The following CAMKV variants were observed in gnomAD, a reference collection of about 807,000 sequenced individuals.
CAMKV encodes the protein caM kinase-like vesicle-associated protein.
In CAMKV, 5 loss-of-function variants were observed where a neutral mutation model predicts 50.2. The observed-to-expected ratio is 0.10, with a 90% CI of 0.05 to 0.21. CAMKV has a LOEUF of 0.21. Among genes scored for constraint, CAMKV ranks in the 10% least tolerant of loss-of-function variants. CAMKV has a pLI of 1.00. For missense variants in CAMKV, 361 were observed against 650.5 expected (o/e 0.55, Z 4.84); for synonymous variants, 229 against 250.1 (o/e 0.92, Z 0.80).
In CAMKV at chr3:49,859,041, A is replaced by T. The variant is rs760736603; in HGVS notation, c.*277T>A. 5.4e-6 allele frequency: 2 copies of T among 370,196 alleles called. No homozygotes were observed. Among genetic ancestry groups the T allele is most frequent in the Non-Finnish European group, 9.7e-6 (2 of 205,288 alleles). The allele number at this position is 370,196 out of a possible 1,614,324, so 22.9% of individuals were successfully genotyped here. On this transcript the variant is annotated 3_prime_UTR_variant, in exon 11 of 11. Transcript: ENST00000477224. This position sits in a 1 kb window ranked among gnomAD's most constrained non-coding sequence, Gnocchi z 5.5. ...AGTATCCCTAGAGCAGCATCCCACA[A>T]GGAACAGAAACTGGTGAAGCTAGCA...
In CAMKV at chr3:49,861,834, C is replaced by T. The variant is rs1301880158; in HGVS notation, c.259G>A (p.Asp87Asn). Reference protein sequence around the residue: ...VKHPNILQLVDVFVTRKEYFI... With the variant: ...VKHPNILQLVNVFVTRKEYFI... Reference sequence around the variant, plus strand: ...TACTCCTTGCGGGTCACAAACACATCCACCAGCTGTAGGATGTTGGGATGC... The same window carrying T: ...TACTCCTTGCGGGTCACAAACACATTCACCAGCTGTAGGATGTTGGGATGC... The change falls in exon 4 of 11, where the codon GAT becomes AAT. Residue 87 changes from aspartate (D) to asparagine (N), a missense_variant. By Grantham distance (23) the Asp-to-Asn change is conservative. Coordinates refer to ENST00000477224, the MANE Select transcript of CAMKV (RefSeq NM_024046.5). The surrounding 1 kb of genome is among the most constrained non-coding windows in gnomAD (Gnocchi z 7.7). 6.2e-7 allele frequency: 1 copy of T among 1,613,804 alleles called. No homozygotes were observed.
intron 1 of CAMKV, among the ~76,000 whole-genome samples, chr3:49,866,099 A>ACTT (rs1559458150): frequency 1.3e-5 from 2 of 150,612 alleles, no homozygotes; most frequent in East Asian, 3.9e-4. Context: ...TCAGCCAGTC[A>ACTT]CTCCTCCTCC....
rs1575406859 is a variant in CAMKV, at chr3:49,861,631, G to A, written c.303-54C>T. On this transcript the variant is annotated intron_variant, in intron 4 of 10. Transcript: ENST00000477224. The surrounding 1 kb of genome is among the most constrained non-coding windows in gnomAD (Gnocchi z 7.7). ...GTGGGCAGAATCAGGGGTAGGGCAGGAGCACTTGGGTGAGCTGCCTACGCC... is the reference window on the plus strand; with the variant it reads ...GTGGGCAGAATCAGGGGTAGGGCAGAAGCACTTGGGTGAGCTGCCTACGCC... The A allele has an allele frequency of 1.6e-5, 25 of 1,611,836 alleles. No homozygotes were observed. The highest frequency in any genetic ancestry group is 2.0e-5 in the Non-Finnish European group (24 of 1,178,722).
chr3:49,860,613 A>T lies in CAMKV; in HGVS notation c.776-64T>A. The stretch of plus-strand genomic sequence containing the variant: ...CCATCTCAATGTCTAGAGGTGATAA[A>T]TGGGCTGGGGGACAGAAGCAGAATA... On this transcript the variant is annotated intron_variant, in intron 8 of 10. Transcript: ENST00000477224. This position sits in a 1 kb window ranked among gnomAD's most constrained non-coding sequence, Gnocchi z 6.1. 6.2e-7 allele frequency: 1 copy of T among 1,611,414 alleles called. No individual in the cohort carries two copies. The highest frequency in any genetic ancestry group is 8.5e-7 in the Non-Finnish European group (1 of 1,177,780).
In CAMKV at chr3:49,861,146, T is replaced by C. The variant is rs548452462; in HGVS notation, c.562+34A>G. 151 of 1,571,892 alleles carry C rather than the reference T, an allele frequency of 9.6e-5. 3 individuals are homozygous for C. The Middle Eastern group carries it at 2.4e-3, about 25-fold the overall frequency. On this transcript the variant is annotated intron_variant, in intron 6 of 10. Coordinates refer to ENST00000477224, the MANE Select transcript of CAMKV (RefSeq NM_024046.5). The surrounding 1 kb of genome is among the most constrained non-coding windows in gnomAD (Gnocchi z 7.7). The stretch of plus-strand genomic sequence containing the variant: ...GCAGCTCCCTGAAGGCTGCCCCCCA[T>C]TATCCCCCTGCCCCTGCCCCACCCC...
rs2081999276 is a variant in CAMKV, at chr3:49,859,145, TACAC to T, written c.*169_*172del. ...CTGGCCTGCCCACCACTCACACACATACACACAGGAGACGAGACTGCTCTCCCGT... is the reference window on the plus strand; with the variant it reads ...CTGGCCTGCCCACCACTCACACACATACAGGAGACGAGACTGCTCTCCCGT... On this transcript the variant is annotated 3_prime_UTR_variant, in exon 11 of 11. Transcript: ENST00000477224. This position sits in a 1 kb window ranked among gnomAD's most constrained non-coding sequence, Gnocchi z 5.5. The T allele has an allele frequency of 5.1e-6, 3 of 584,022 alleles. No homozygotes were observed. The highest frequency in any genetic ancestry group is 8.8e-6 in the Non-Finnish European group (3 of 342,772). The allele number at this position is 584,022 out of a possible 1,614,324, so 36.2% of individuals were successfully genotyped here. A position where few individuals can be genotyped will look rare whatever the true frequency, so the allele number is the denominator to read the frequency against.
In CAMKV at chr3:49,860,135, G is replaced by A. The variant is rs1489792870; in HGVS notation, c.942+36C>T. On this transcript the variant is annotated intron_variant, in intron 10 of 10. Transcript: ENST00000477224. This position sits in a 1 kb window ranked among gnomAD's most constrained non-coding sequence, Gnocchi z 6.1. ...AAACTGAGTGCCAGAAGCAATACTT[G>A]GGATAGAGCCAAGAAGGGAGTTATC... is the stretch of plus-strand genomic sequence containing the variant. The A allele has an allele frequency of 6.4e-7, 1 of 1,565,052 alleles. No individual in the cohort carries two copies. The highest frequency in any genetic ancestry group is 1.4e-5 in the African/African-American group (1 of 73,792).
chr3:49,859,728 G>A lies in CAMKV; in HGVS notation c.1096C>T (p.Pro366Ser). The change falls in exon 11 of 11, where the codon CCT becomes TCT. Residue 366 changes from proline to serine, a missense_variant. Physicochemically the swap from Pro to Ser is moderately conservative, Grantham distance 74. Transcript: ENST00000477224. The surrounding 1 kb of genome is among the most constrained non-coding windows in gnomAD (Gnocchi z 5.5). ...AAAASGATSA[P>S]EGDAARAAKS... ...GCAGCACGAGCAGCATCACCCTCAGGGGCTGAGGTAGCTCCACTCGCAGCT... is the reference window on the plus strand; with the variant it reads ...GCAGCACGAGCAGCATCACCCTCAGAGGCTGAGGTAGCTCCACTCGCAGCT... 6.3e-7 allele frequency: 1 copy of A among 1,595,108 alleles called. No homozygotes were observed. The highest frequency in any genetic ancestry group is 1.1e-5 in the South Asian group (1 of 88,336).
At chr3:49,866,594 G>T (rs1295909895) in intron 1 of CAMKV, among the ~76,000 whole-genome samples, 2 of 152,244 alleles carry the variant, frequency 1.3e-5, no homozygotes, top group African/African-American at 4.8e-5. Flanking sequence ...CTTGTGGGGA[G>T]TGCAGGCCCT....
chr3:49,866,923 C>T (rs934856015), intron 1 of CAMKV, among the ~76,000 whole-genome samples: 4 of 152,226 alleles, frequency 2.6e-5, no homozygotes, highest in African/African-American at 9.6e-5. Context: ...ACAGAGTTTC[C>T]TGCTACCTTG....
At position 49,861,592 on chromosome 3, in the gene CAMKV, C is replaced by T. The variant is rs758093028; in HGVS notation, c.303-15G>A. 7.0e-5 allele frequency: 113 copies of T among 1,613,852 alleles called. No individual in the cohort carries two copies. The highest frequency in any genetic ancestry group is 9.5e-5 in the Non-Finnish European group (112 of 1,180,010). The stretch of plus-strand genomic sequence containing the variant: ...TCCCCGTGGCCCTGAGGGACACCAG[C>T]CCCTGAGCCTGGCGTGGGCAGAATC... On this transcript the variant is annotated splice_polypyrimidine_tract_variant and intron_variant, in intron 4 of 10. Coordinates refer to ENST00000477224, the MANE Select transcript of CAMKV (RefSeq NM_024046.5). The surrounding 1 kb of genome is among the most constrained non-coding windows in gnomAD (Gnocchi z 7.7).
chr3:49,862,294 G>A lies in CAMKV; in HGVS notation c.95C>T (p.Thr32Ile), dbSNP rs369471161. 3 of 1,614,180 alleles carry A rather than the reference G, an allele frequency of 1.9e-6. No individual in the cohort carries two copies. The highest frequency in any genetic ancestry group is 2.5e-6 in the Non-Finnish European group (3 of 1,180,022). The change falls in exon 2 of 11, where the codon ACT (threonine) becomes ATT (isoleucine). Residue 32 changes from threonine to isoleucine, a missense_variant and splice_region_variant. Transcript: ENST00000477224. This position sits in a 1 kb window ranked among gnomAD's most constrained non-coding sequence, Gnocchi z 5.2. Reference protein sequence around the residue: ...DRYDLGQVIKTEEFCEIFRAK... With the variant: ...DRYDLGQVIKIEEFCEIFRAK... ...CTTGCCTGACAGGCCCGGCACTCAC[G>A]TCTTGATGACCTGTCCCAAATCATA... is the stretch of plus-strand genomic sequence containing the variant.
chr3:49,861,469 G>A lies in CAMKV; in HGVS notation c.411C>T (p.His137=), dbSNP rs1384735270. 1.9e-6 allele frequency: 3 copies of A among 1,614,048 alleles called. No homozygotes were observed. The highest frequency in any genetic ancestry group is 1.7e-5 in the Admixed American group (1 of 60,008). The change falls in exon 5 of 11, where the codon CAC becomes CAT. Residue 137 remains histidine, a synonymous_variant. Coordinates refer to ENST00000477224, the MANE Select transcript of CAMKV (RefSeq NM_024046.5). This position sits in a 1 kb window ranked among gnomAD's most constrained non-coding sequence, Gnocchi z 7.7. ...RQVLEAVAYL[H]SLKIVHRNLK... ...GATTCCTGTGCACGATCTTGAGTGA[G>A]TGCAAATAGGCCACGGCCTCCAGGA...
chr3:49,868,421 C>T (rs1382795724), intron 1 of CAMKV, among the ~76,000 whole-genome samples: 2 of 152,226 alleles, frequency 1.3e-5, no homozygotes, highest in East Asian at 1.9e-4. Flanking sequence ...GATAACCACA[C>T]AGCCCTTCAC....
chr3:49,863,153 A>G (rs1052177994), intron 1 of CAMKV, among the ~76,000 whole-genome samples: 1 of 152,262 alleles, frequency 6.6e-6, no homozygotes, highest in Non-Finnish European at 1.5e-5. Flanking sequence ...AAAAGAATAC[A>G]TATAGTATGA....
In CAMKV at chr3:49,860,365, C is replaced by T; in HGVS notation, c.854+106G>A. ...GGGACTACCAGGCAGAGCCTCTGGG[C>T]TGCCCTGAGCTCTAGGTACCTGCAC... On this transcript the variant is annotated intron_variant, in intron 9 of 10. Transcript: ENST00000477224. This position sits in a 1 kb window ranked among gnomAD's most constrained non-coding sequence, Gnocchi z 6.1. The T allele has an allele frequency of 6.6e-7, 1 of 1,519,574 alleles. No individual in the cohort carries two copies. The highest frequency in any genetic ancestry group is 1.4e-5 in the African/African-American group (1 of 73,268). The allele number at this position is 1,519,574 out of a possible 1,614,324, so 94.1% of individuals were successfully genotyped here. A position where few individuals can be genotyped will look rare whatever the true frequency, so the allele number is the denominator to read the frequency against.
Position 49,862,460 on chromosome 3 carries a change from G to A in CAMKV, c.-14-58C>T, listed in dbSNP as rs2082029883. 1 of 1,488,134 alleles carries A rather than the reference G, an allele frequency of 6.7e-7. No individual in the cohort carries two copies. The highest frequency in any genetic ancestry group is 1.7e-5 in the Admixed American group (1 of 59,558). 92.2% of individuals were successfully genotyped at this position (1,488,134 alleles called of 1,614,324 possible). Reference sequence around the variant, plus strand: ...CTACTCTCCACTTCCCCACAACATAGGGGCTGCTTTTGGGAGACCCCAACC... The same window carrying A: ...CTACTCTCCACTTCCCCACAACATAAGGGCTGCTTTTGGGAGACCCCAACC... On this transcript the variant is annotated intron_variant, in intron 1 of 10. Coordinates refer to ENST00000477224, the MANE Select transcript of CAMKV (RefSeq NM_024046.5). This position sits in a 1 kb window ranked among gnomAD's most constrained non-coding sequence, Gnocchi z 5.2.
Position 49,858,205 on chromosome 3 carries a change from G to A in CAMKV, c.*1113C>T. 5 of 398,396 alleles carry A rather than the reference G, an allele frequency of 1.3e-5. No individual in the cohort carries two copies. Among genetic ancestry groups the A allele is most frequent in the South Asian group, 1.3e-4 (1 of 7,704 alleles). 24.7% of individuals were successfully genotyped at this position (398,396 alleles called of 1,614,324 possible). A position where few individuals can be genotyped will look rare whatever the true frequency, so the allele number is the denominator to read the frequency against. On this transcript the variant is annotated 3_prime_UTR_variant, in exon 11 of 11. Transcript: ENST00000477224. ...GGAGCCTCCCTCAGGAAACTGGGGAGTTTAACCCTACTTCCTCATCCCAGA... is the reference window on the plus strand; with the variant it reads ...GGAGCCTCCCTCAGGAAACTGGGGAATTTAACCCTACTTCCTCATCCCAGA...
chr3:49,858,563 T>C lies in CAMKV; in HGVS notation c.*755A>G, dbSNP rs1379264002. 1.0e-5 allele frequency: 4 copies of C among 390,174 alleles called. No individual in the cohort carries two copies. The highest frequency in any genetic ancestry group is 8.3e-5 in the African/African-American group (4 of 48,424). 24.2% of individuals were successfully genotyped at this position (390,174 alleles called of 1,614,324 possible). On this transcript the variant is annotated 3_prime_UTR_variant, in exon 11 of 11. Coordinates refer to ENST00000477224, the MANE Select transcript of CAMKV (RefSeq NM_024046.5). ...GCCAGGTCTCATTGCCACGTCCTAA[T>C]TGTTCCTCCTTTCCCTTAGAGGCTC...
Sources: gnomAD v4.1 joint callset for allele counts (sites outside exome capture counted in the v4.1 genomes callset) on GRCh38, gnomAD v4.1.1 for gene constraint, Gnocchi (gnomAD v3.1) non-coding constraint, MANE v1.5 for transcripts, NCBI Gene and HGNC (gene_info 2026-07-23, HGNC 2026-07-21) for gene names.